Variants in PTCH1 observed in about 807,000 individuals in gnomAD.
PTCH1 encodes protein patched homolog 1.
Under a neutral mutation model 144.6 loss-of-function variants are expected in PTCH1, and 14 were observed. That is an observed-to-expected ratio of 0.10 (90% confidence interval 0.06 to 0.15). PTCH1 has a LOEUF of 0.15. Ranked by LOEUF, PTCH1 falls within the 10% of genes least tolerant of loss-of-function variation. The pLI, the probability that PTCH1 is intolerant of heterozygous loss-of-function variation, is 1.00. For synonymous variants in PTCH1, 833 were observed against 793.6 expected, an observed-to-expected ratio of 1.05 and a Z score of -0.83; for missense variants, 1,623 against 1,948.3, an observed-to-expected ratio of 0.83 and a Z score of 3.14.
intron 12 of PTCH1, chr9:95,473,961 C>T: frequency 4.8e-6 from 2 of 420,982 alleles, no homozygotes; most frequent in Non-Finnish European, 9.5e-6. Context: ...TGCTTTGAAA[C>T]AGAAACACAA....
At chr9:95,459,888 G>T (rs1415894942) in intron 16 of PTCH1, 105 bp from the exon 17 acceptor site, 3 of 1,215,006 alleles carry the variant, frequency 2.5e-6, no homozygotes, top group Non-Finnish European at 2.4e-6. Context: ...TTACAACAAA[G>T]AATAGAATGC....
rs1588527735 is a variant in PTCH1 at position 95,453,342 on chromosome 9, G to A, written c.3449+136C>T. Reference sequence around the variant, plus strand: ...AGATGAGTTTCACCATCTTGGCCAGGCTGGTCTTGAACTCCTTGACCTTCT... The same window carrying A: ...AGATGAGTTTCACCATCTTGGCCAGACTGGTCTTGAACTCCTTGACCTTCT... On this transcript the variant is annotated intron_variant, in intron 20 of 23. Coordinates refer to ENST00000331920, the MANE Select transcript of PTCH1 (RefSeq NM_000264.5). 2.3e-6 allele frequency: 3 copies of A among 1,306,160 alleles called. No individual in the cohort carries two copies. In the East Asian group the frequency reaches 7.1e-5, roughly 31 times the overall value. The allele number at this position is 1,306,160 out of a possible 1,614,324, so 80.9% of individuals were successfully genotyped here. A position where few individuals can be genotyped will look rare whatever the true frequency, so the allele number is the denominator to read the frequency against.
chr9:95,502,568 G>A (rs1261443495), intron 2 of PTCH1, among the ~76,000 whole-genome samples: 1 of 152,206 alleles, frequency 6.6e-6, no homozygotes, highest in Non-Finnish European at 1.5e-5. Flanking sequence ...ATGTGAAACT[G>A]ATTTGACAAT....
chr9:95,494,255 C>T, intron 2 of PTCH1: 1 of 985,564 alleles, frequency 1.0e-6, no homozygotes. Flanking sequence ...CTTTCCCTGA[C>T]GCAGACCTGC....
chr9:95,468,722 A>G, intron 14 of PTCH1, 29 bp downstream of exon 14: 1 of 1,610,562 alleles, frequency 6.2e-7, no homozygotes, highest in South Asian at 1.1e-5. Context: ...TTTTGAAGAC[A>G]GGAAGAGCCT....
rs146447673 is a variant in PTCH1, at chr9:95,447,105, G to A, written c.4151C>T (p.Pro1384Leu). The change falls in exon 23 of 24, where the codon CCG becomes CTG. Residue 1384 changes from proline (P) to leucine (L), a missense_variant. This residue lies in a region of PTCH1 where 291 missense variants were observed against 287.4 expected (regional missense o/e 1.01). Transcript: ENST00000331920. Reference sequence around the variant, plus strand: ...GTTCCGCCCAGGCCCAGGGACAGGCGGCGGGTGCACGGCGACAGTCACGGA... The same window carrying A: ...GTTCCGCCCAGGCCCAGGGACAGGCAGCGGGTGCACGGCGACAGTCACGGA... ...SASVTVAVHP[P>L]PVPGPGRNPR... 4.2e-5 allele frequency: 68 copies of A among 1,613,488 alleles called. 1 individual carries two copies. The highest frequency in any genetic ancestry group is 1.4e-4 in the South Asian group (13 of 91,076).
intron 2 of PTCH1, among the ~76,000 whole-genome samples, chr9:95,500,467 T>G: frequency 6.6e-6 from 1 of 152,224 alleles, no homozygotes. Flanking sequence ...ATATTCTCCC[T>G]TCTAAACCAT....
intron 1 of PTCH1, 36 bp from the exon 2 acceptor site, chr9:95,506,635 G>A (rs769516339): frequency 8.1e-6 from 12 of 1,489,984 alleles, no homozygotes; most frequent in Non-Finnish European, 9.1e-6. Context: ...TGAGCGCCGG[G>A]GAGTCGCGGC....
intron 1 of PTCH1, 25 bp downstream of exon 1, chr9:95,508,136 T>C: frequency 6.2e-7 from 1 of 1,611,196 alleles, no homozygotes; most frequent in Non-Finnish European, 8.5e-7. Flanking sequence ...GAAGAGAAAG[T>C]GGGAGGAGAG....
intron 1 of PTCH1, among the ~76,000 whole-genome samples, chr9:95,514,902 C>T (rs748076102): frequency 4.6e-5 from 7 of 152,086 alleles, no homozygotes; most frequent in East Asian, 1.9e-4. Context: ...TTGAGAATGG[C>T]GGGGCCTATT....
At chr9:95,446,597 G>A (rs767625432) in intron 23 of PTCH1, 14 of 482,376 alleles carry the variant, frequency 2.9e-5, no homozygotes, top group African/African-American at 1.4e-4. Flanking sequence ...TGACCAATTC[G>A]CTGTGGCATG....
chr9:95,506,255 G>C (rs1425112959), intron 2 of PTCH1, 152 bp downstream of exon 2: 5 of 879,994 alleles, frequency 5.7e-6, no homozygotes, highest in African/African-American at 3.5e-5. Flanking sequence ...CCTGGCTCCC[G>C]GCCAGGCGCC....
At chr9:95,512,884 A>C (rs1264784226), upstream of PTCH1, among the ~76,000 whole-genome samples, 2 of 152,234 alleles carry the variant, frequency 1.3e-5, no homozygotes, top group African/African-American at 4.8e-5. Flanking sequence ...GCCTTTATGA[A>C]GCAACAGCTG....
chr9:95,493,007 G>A (rs929552806), intron 2 of PTCH1, among the ~76,000 whole-genome samples: 5 of 152,124 alleles, frequency 3.3e-5, no homozygotes, highest in African/African-American at 9.7e-5. Context: ...TTCTTTGAAA[G>A]GCAAAAGAAG....
intron 3 of PTCH1, among the ~76,000 whole-genome samples, chr9:95,484,675 A>T (rs1319897642): frequency 6.6e-6 from 1 of 152,196 alleles, no homozygotes; most frequent in East Asian, 1.9e-4. Context: ...ACATCAACTC[A>T]GAGGTCCCCT....
Position 95,467,406 on chromosome 9 carries a change from A to T in PTCH1, c.2270T>A (p.Phe757Tyr). 1 of 1,614,180 alleles carries T rather than the reference A, an allele frequency of 6.2e-7. No individual in the cohort carries two copies. Among genetic ancestry groups the T allele is most frequent in the Non-Finnish European group, 8.5e-7 (1 of 1,180,036 alleles). The stretch of plus-strand genomic sequence containing the variant: ...AAGGCTGACCCCCAGCAAGCCCAGA[A>T]AAAGGAAGATCACCACTACCTGGAA... ...PKAKVVVIFLFLGLLGVSLYG... is the reference protein window; with the variant it reads ...PKAKVVVIFLYLGLLGVSLYG... The change falls in exon 15 of 24, where the codon TTT becomes TAT. Residue 757 changes from phenylalanine (F) to tyrosine (Y), a missense_variant. This residue lies in a region of PTCH1 where 504 missense variants were observed against 679.3 expected (regional missense o/e 0.74). Transcript: ENST00000331920.
chr9:95,501,425 A>G (rs1317268379), intron 2 of PTCH1, among the ~76,000 whole-genome samples: 1 of 152,130 alleles, frequency 6.6e-6, no homozygotes, highest in Non-Finnish European at 1.5e-5. Context: ...ATCTCCTACA[A>G]CTGATTGCCT....
intron 2 of PTCH1, among the ~76,000 whole-genome samples, chr9:95,500,442 T>A (rs1395953136): frequency 6.6e-6 from 1 of 152,180 alleles, no homozygotes; most frequent in Non-Finnish European, 1.5e-5. Flanking sequence ...TAGAAACTAA[T>A]AAATACCTAT....
chr9:95,477,893 C>T (rs1841196154), intron 9 of PTCH1, among the ~76,000 whole-genome samples, 162 bp downstream of exon 9: 1 of 152,222 alleles, frequency 6.6e-6, no homozygotes, highest in African/African-American at 2.4e-5. Context: ...GGGAAAAATG[C>T]TTTACACGAC....
Sources: gnomAD v4.1 joint callset for allele counts (sites outside exome capture counted in the v4.1 genomes callset) on GRCh38, gnomAD v4.1.1 for gene constraint, gnomAD v4.1.1 regional missense constraint, MANE v1.5 for transcripts, NCBI Gene and HGNC (gene_info 2026-07-23, HGNC 2026-07-21) for gene names.